STX11: variants seen among roughly 807,000 people sequenced by gnomAD.
STX11 encodes the protein syntaxin-11.
A neutral mutation model predicts 19.9 loss-of-function variants in STX11; 21 were observed. The ratio of observed to expected loss-of-function variants is 1.06; its 90% confidence interval spans 0.75 to 1.52. STX11 has a LOEUF of 1.52. Ranked by LOEUF, STX11 falls within the 40% of genes most tolerant of loss-of-function variation. The probability of loss-of-function intolerance (pLI) is 0.00; values close to 1 mark genes in which losing one functional copy is unlikely to be tolerated. For synonymous variants in STX11, 193 were observed against 174.4 expected (o/e 1.11, Z -0.84); for missense variants, 438 against 405.9 (o/e 1.08, Z -0.68).
rs546696117 is a variant in STX11, at chr6:144,167,861, C to G, written c.-6+17158C>G. Among the ~76,000 whole-genome samples, 81 of 152,244 alleles carry G rather than the reference C, an allele frequency of 5.3e-4. No homozygotes were observed. The South Asian group carries it at 0.016, about 31-fold the overall frequency. ...GTCTTGAACTCCTTGACTCAAACAG[C>G]CTGCCTGCCTAAGCCTCCCAAAGTG... On this transcript the variant is annotated intron_variant, in intron 1 of 1. Transcript: ENST00000367568. The surrounding 1 kb of genome is among the most constrained non-coding windows in gnomAD (Gnocchi z 5.0).
Position 144,152,875 on chromosome 6 carries a change from C to T in STX11, c.-6+2172C>T, listed in dbSNP as rs1280280804. 1.3e-5 allele frequency among the ~76,000 whole-genome samples: 2 copies of T among 152,266 alleles called. No individual in the cohort carries two copies. The highest frequency in any genetic ancestry group is 4.8e-5 in the African/African-American group (2 of 41,474). ...TCTCGAACTGCTGACCTCAGGTGAT[C>T]TGCTTGCCTTGGCCTCCCAAAGTGC... On this transcript the variant is annotated intron_variant, in intron 1 of 1. Transcript: ENST00000367568. This position sits in a 1 kb window ranked among gnomAD's most constrained non-coding sequence, Gnocchi z 4.9.
rs60351068 is a variant in STX11 at position 144,160,871 on chromosome 6, TGAC to T, written c.-6+10172_-6+10174del. On this transcript the variant is annotated intron_variant, in intron 1 of 1. Transcript: ENST00000367568. The surrounding 1 kb of genome is among the most constrained non-coding windows in gnomAD (Gnocchi z 4.3). ...TGAATGGATGTGTGAGGTCCTGTGA[TGAC>T]GACCATTTGCCATGTATTTTCATAT... Among the ~76,000 whole-genome samples the T allele has an allele frequency of 0.16, 24,667 of 152,070 alleles. 3,883 individuals carry two copies. Among genetic ancestry groups the T allele is most frequent in the African/African-American group, 0.4 (16,402 of 41,374 alleles).
In STX11 at chr6:144,165,699, T is replaced by G. The variant is rs2128750267; in HGVS notation, c.-6+14996T>G. On this transcript the variant is annotated intron_variant, in intron 1 of 1. Coordinates refer to ENST00000367568, the MANE Select transcript of STX11 (RefSeq NM_003764.4). The surrounding 1 kb of genome is among the most constrained non-coding windows in gnomAD (Gnocchi z 5.8). ...TCATCTGCACATGCTTCCAAAGGAGTGGTACTTATAGTATCTTCAATAAGC... is the reference window on the plus strand; with the variant it reads ...TCATCTGCACATGCTTCCAAAGGAGGGGTACTTATAGTATCTTCAATAAGC... Among the ~76,000 whole-genome samples the G allele has an allele frequency of 6.6e-6, 1 of 152,278 alleles. No individual in the cohort carries two copies. The highest frequency in any genetic ancestry group is 1.9e-4 in the East Asian group (1 of 5,190).
chr6:144,186,446 CTTAT>C (rs939237920), intron 1 of STX11, among the ~76,000 whole-genome samples, 173 bp from the exon 2 acceptor site: 6 of 152,136 alleles, frequency 3.9e-5, no homozygotes, highest in Admixed American at 6.5e-5. Context: ...GTTCAGTCAT[CTTAT>C]TTCTTTCCTT....
In STX11 at chr6:144,172,438, C is replaced by A. The variant is rs538540953; in HGVS notation, c.-5-14185C>A. Among the ~76,000 whole-genome samples, 1 of 152,270 alleles carries A rather than the reference C, an allele frequency of 6.6e-6. No homozygotes were observed. The highest frequency in any genetic ancestry group is 2.1e-4 in the South Asian group (1 of 4,830). On this transcript the variant is annotated intron_variant, in intron 1 of 1. Transcript: ENST00000367568. The surrounding 1 kb of genome is among the most constrained non-coding windows in gnomAD (Gnocchi z 4.2). The stretch of plus-strand genomic sequence containing the variant: ...GCAGATAAGCCCCAAGGTGCTAGTG[C>A]TGTTGAAGCCTCTGCTTGCTCCATG...
chr6:144,189,672 C>T lies in STX11; in HGVS notation c.*2181C>T, dbSNP rs1802165729. ...GGAGGAGTATGTGAATTCTTTGGAGCTCACTGCCTGACTTGCTTATGACCA... is the reference window on the plus strand; with the variant it reads ...GGAGGAGTATGTGAATTCTTTGGAGTTCACTGCCTGACTTGCTTATGACCA... On this transcript the variant is annotated 3_prime_UTR_variant, in exon 2 of 2. Transcript: ENST00000367568. 6.6e-6 allele frequency among the ~76,000 whole-genome samples: 1 copy of T among 152,180 alleles called. No homozygotes were observed. Among genetic ancestry groups the T allele is most frequent in the Non-Finnish European group, 1.5e-5 (1 of 68,020 alleles).
rs1801279789 is a variant in STX11 at position 144,159,546 on chromosome 6, T to C, written c.-6+8843T>C. ...TGTGTGTGTGTGTGTGTCCGTCCAG[T>C]ATGTGGAAAAAGACAGTACAGGAAA... is the stretch of plus-strand genomic sequence containing the variant. On this transcript the variant is annotated intron_variant, in intron 1 of 1. Transcript: ENST00000367568. The surrounding 1 kb of genome is among the most constrained non-coding windows in gnomAD (Gnocchi z 4.3). Among the ~76,000 whole-genome samples the C allele has an allele frequency of 6.6e-6, 1 of 152,074 alleles. No homozygotes were observed. Among genetic ancestry groups the C allele is most frequent in the African/African-American group, 2.4e-5 (1 of 41,412 alleles).
intron 1 of STX11, 63 bp downstream of exon 1, chr6:144,150,766 G>A: frequency 1.6e-5 from 4 of 253,784 alleles, no homozygotes; most frequent in Non-Finnish European, 2.4e-5. Context: ...TGCGCGGAGA[G>A]ATCGGGGAGG....
chr6:144,171,820 T>A (rs113624618), intron 1 of STX11, among the ~76,000 whole-genome samples: 2,720 of 152,272 alleles, frequency 0.018, 77 homozygotes, highest in African/African-American at 0.06. Context: ...CATGTGCTTT[T>A]AAAAAATGTG....
At chr6:144,156,465 C>T (rs1240130622) in intron 1 of STX11, among the ~76,000 whole-genome samples, 2 of 152,064 alleles carry the variant, frequency 1.3e-5, no homozygotes, top group Non-Finnish European at 2.9e-5. Flanking sequence ...TTACTTGTTT[C>T]CCTGTTCAAA....
intron 1 of STX11, among the ~76,000 whole-genome samples, chr6:144,158,023 A>G (rs948627161): frequency 6.6e-6 from 1 of 152,110 alleles, no homozygotes; most frequent in Non-Finnish European, 1.5e-5. Flanking sequence ...ATAAAAGTCC[A>G]GGGCCCCATT....
intron 1 of STX11, among the ~76,000 whole-genome samples, chr6:144,161,938 T>A (rs1801352733): frequency 6.6e-6 from 1 of 152,204 alleles, no homozygotes; most frequent in African/African-American, 2.4e-5. Flanking sequence ...AAAGATCTTC[T>A]ATTTTTCTGC....
Position 144,174,602 on chromosome 6 carries a change from A to C in STX11, c.-5-12021A>C, listed in dbSNP as rs1163494213. ...AGGCTGGTCTTGAACTCCTGGGCAC[A>C]AGCGATCCACCCGCCTTGGCCTCCC... On this transcript the variant is annotated intron_variant, in intron 1 of 1. Coordinates refer to ENST00000367568, the MANE Select transcript of STX11 (RefSeq NM_003764.4). This position sits in a 1 kb window ranked among gnomAD's most constrained non-coding sequence, Gnocchi z 5.3. Among the ~76,000 whole-genome samples, 2 of 152,054 alleles carry C rather than the reference A, an allele frequency of 1.3e-5. No homozygotes were observed. Among genetic ancestry groups the C allele is most frequent in the East Asian group, 3.9e-4 (2 of 5,148 alleles).
At chr6:144,145,922 T>A (rs1178528624), upstream of STX11, among the ~76,000 whole-genome samples, 1 of 152,268 alleles carries the variant, frequency 6.6e-6, no homozygotes, top group African/African-American at 2.4e-5. Flanking sequence ...TTAATGCCAC[T>A]GTACACTTTA....
At chr6:144,157,274 G>C (rs1191672599) in intron 1 of STX11, among the ~76,000 whole-genome samples, 3 of 152,182 alleles carry the variant, frequency 2.0e-5, no homozygotes, top group African/African-American at 7.2e-5. Context: ...TTGTTGTTCA[G>C]AATTGTTCTG....
chr6:144,142,117 A>T, the STX11 span, among the ~76,000 whole-genome samples: 1 of 151,570 alleles, frequency 6.6e-6, no homozygotes, highest in Non-Finnish European at 1.5e-5. Context: ...TATAGGGTTC[A>T]GTCTATTCCT....
At chr6:144,146,024 G>A (rs117287725), upstream of STX11, among the ~76,000 whole-genome samples, 2 of 152,218 alleles carry the variant, frequency 1.3e-5, no homozygotes, top group East Asian at 1.9e-4. The surrounding 1 kb of genome is among the most constrained non-coding windows in gnomAD (Gnocchi z 4.4). Context: ...AAGAGTTCTC[G>A]AACTAGCATG....
chr6:144,145,130 AG>A, the STX11 span, among the ~76,000 whole-genome samples: 14 of 152,240 alleles, frequency 9.2e-5, no homozygotes, highest in Non-Finnish European at 1.6e-4. Flanking sequence ...CAATAGCCAA[AG>A]GGTGGAAGCA....
At position 144,172,939 on chromosome 6, in the gene STX11, A is replaced by C. The variant is rs1376714038; in HGVS notation, c.-5-13684A>C. ...CATATGACAACCACTGGTCCATAGC[A>C]GTTCTGTCCAAGCACATGTTACCAG... On this transcript the variant is annotated intron_variant, in intron 1 of 1. Coordinates refer to ENST00000367568, the MANE Select transcript of STX11 (RefSeq NM_003764.4). This position sits in a 1 kb window ranked among gnomAD's most constrained non-coding sequence, Gnocchi z 4.2. Among the ~76,000 whole-genome samples the C allele has an allele frequency of 6.6e-6, 1 of 151,826 alleles. No individual in the cohort carries two copies. Among genetic ancestry groups the C allele is most frequent in the Non-Finnish European group, 1.5e-5 (1 of 67,988 alleles).
Sources: gnomAD v4.1 joint callset for allele counts (sites outside exome capture counted in the v4.1 genomes callset) on GRCh38, gnomAD v4.1.1 for gene constraint, Gnocchi (gnomAD v3.1) non-coding constraint, MANE v1.5 for transcripts, NCBI Gene and HGNC (gene_info 2026-07-23, HGNC 2026-07-21) for gene names.